The following DPF3 variants were observed in gnomAD, a reference collection of about 807,000 sequenced individuals.
DPF3 encodes the protein zinc finger protein DPF3.
In DPF3, 18 loss-of-function variants were observed where a neutral mutation model predicts 56.8. The observed-to-expected ratio is 0.32, with a 90% confidence interval of 0.22 to 0.47. The LOEUF is 0.47. Among genes scored for constraint, DPF3 ranks in the 20% least tolerant of loss-of-function variants. The pLI is 1.00. For missense variants in DPF3, 403 were observed against 488.8 expected (o/e 0.82, Z 1.65); for synonymous variants, 188 against 180.2 (o/e 1.04, Z -0.35).
intron 1 of DPF3, chr14:72,892,001 A>G: frequency 1.2e-6 from 1 of 816,658 alleles, no homozygotes; most frequent in East Asian, 3.6e-5. Flanking sequence ...CACCCTACAC[A>G]GACTCCCTCC....
chr14:72,849,812 T>G (rs1006831933), intron 1 of DPF3, among the ~76,000 whole-genome samples: 1 of 152,162 alleles, frequency 6.6e-6, no homozygotes, highest in Non-Finnish European at 1.5e-5. Context: ...CTATGCTTTT[T>G]GAAAACTGAG....
intron 1 of DPF3, among the ~76,000 whole-genome samples, chr14:72,810,895 C>T (rs1441483345): frequency 6.6e-6 from 1 of 152,130 alleles, no homozygotes; most frequent in African/African-American, 2.4e-5. Context: ...GTGAGTTAGT[C>T]CATTTGTATT....
At chr14:72,793,640 G>A (rs182055721) in intron 1 of DPF3, among the ~76,000 whole-genome samples, 1 of 152,268 alleles carries the variant, frequency 6.6e-6, no homozygotes, top group African/African-American at 2.4e-5. Context: ...ATCACCAGCT[G>A]GGCCATGTAG....
intron 6 of DPF3, among the ~76,000 whole-genome samples, chr14:72,708,318 C>T (rs933364458): frequency 1.1e-4 from 17 of 152,338 alleles, no homozygotes; most frequent in African/African-American, 4.1e-4. Flanking sequence ...TTTAAACAGA[C>T]CCAGCTTTGC....
intron 7 of DPF3, among the ~76,000 whole-genome samples, chr14:72,691,731 A>G (rs1345930612): frequency 6.6e-6 from 1 of 151,922 alleles, no homozygotes; most frequent in Non-Finnish European, 1.5e-5. Flanking sequence ...GTCTCAGAAA[A>G]AAAAAAAAGA....
At chr14:72,680,901 A>G (rs1013831693) in intron 7 of DPF3, among the ~76,000 whole-genome samples, 2 of 152,222 alleles carry the variant, frequency 1.3e-5, no homozygotes, top group African/African-American at 2.4e-5. Context: ...TTTCAGGCCT[A>G]TTATTCAAGC....
chr14:72,734,405 A>T (rs1826757828), intron 3 of DPF3, among the ~76,000 whole-genome samples: 1 of 152,120 alleles, frequency 6.6e-6, no homozygotes, highest in Non-Finnish European at 1.5e-5. Context: ...TGCTCTGATG[A>T]CATATTACTC....
chr14:72,692,988 G>A, intron 7 of DPF3, 88 bp downstream of exon 7: 1 of 1,574,364 alleles, frequency 6.4e-7, no homozygotes, highest in Non-Finnish European at 8.6e-7. Flanking sequence ...ACCAGAAGAT[G>A]CCAGCAGTGA....
chr14:72,648,506 A>G (rs1167054388), intron 8 of DPF3, among the ~76,000 whole-genome samples: 2 of 149,576 alleles, frequency 1.3e-5, no homozygotes, highest in Non-Finnish European at 3.0e-5. Flanking sequence ...GGTTGCAGTG[A>G]GCTGAGATCA....
At chr14:72,691,950 G>A (rs549242778) in intron 7 of DPF3, among the ~76,000 whole-genome samples, 5 of 152,254 alleles carry the variant, frequency 3.3e-5, no homozygotes, top group Admixed American at 1.3e-4. Flanking sequence ...GTTTTCTTAT[G>A]AGAACCCTAG....
chr14:72,849,860 G>A (rs61986331), intron 1 of DPF3, among the ~76,000 whole-genome samples: 40,356 of 152,146 alleles, frequency 0.27, 5,466 homozygotes, highest in Non-Finnish European at 0.27. Context: ...GCTCATGCCT[G>A]TAATCTCAGC....
chr14:72,777,842 C>T (rs1891807897), intron 1 of DPF3, among the ~76,000 whole-genome samples: 1 of 152,114 alleles, frequency 6.6e-6, no homozygotes, highest in South Asian at 2.1e-4. Flanking sequence ...CAAGCAGATG[C>T]CAGCACTGTG....
chr14:72,871,652 G>C (rs1176595325), intron 1 of DPF3, among the ~76,000 whole-genome samples: 1 of 152,218 alleles, frequency 6.6e-6, no homozygotes, highest in Non-Finnish European at 1.5e-5. Context: ...ATGGTAATGA[G>C]GCTGGGCACA....
At chr14:72,760,416 T>C (rs1891022914) in intron 2 of DPF3, among the ~76,000 whole-genome samples, 1 of 152,174 alleles carries the variant, frequency 6.6e-6, no homozygotes, top group Non-Finnish European at 1.5e-5. Context: ...ACCCTTGTGA[T>C]TACATTAGGC....
chr14:72,776,885 G>A (rs1319874646), intron 1 of DPF3, among the ~76,000 whole-genome samples: 3 of 151,946 alleles, frequency 2.0e-5, no homozygotes, highest in South Asian at 2.1e-4. Flanking sequence ...GGTGGGGGCC[G>A]AGGCTATGCT....
Position 72,876,979 on chromosome 14 carries a change from G to C in DPF3, c.32+17078C>G, listed in dbSNP as rs148923554. Among the ~76,000 whole-genome samples, 430 of 152,280 alleles carry C rather than the reference G, an allele frequency of 2.8e-3. 2 individuals are homozygous for C. The highest frequency in any genetic ancestry group is 5.1e-3 in the Non-Finnish European group (347 of 68,030). On this transcript the variant is annotated intron_variant, in intron 1 of 10. Transcript: ENST00000556509. ...CATGAGATTGAGTGGGCCCTCCTTG[G>C]GGACAAAGCCAGAATACTCTTTCCT...
rs141827585 is a variant in DPF3 at position 72,831,997 on chromosome 14, C to T, written c.33-60104G>A. Among the ~76,000 whole-genome samples, 16 of 152,232 alleles carry T rather than the reference C, an allele frequency of 1.1e-4. No individual in the cohort carries two copies. The East Asian group carries it at 2.9e-3, about 28-fold the overall frequency. ...CTTTGGGAAGCCAAGGTGGGAGGAT[C>T]GCTTGAGGTCAAGAATTTGAGACCA... On this transcript the variant is annotated intron_variant, in intron 1 of 10. Coordinates refer to ENST00000556509, the MANE Select transcript of DPF3 (RefSeq NM_001280542.3).
intron 1 of DPF3, among the ~76,000 whole-genome samples, chr14:72,774,584 C>T (rs1293458076): frequency 3.3e-5 from 5 of 152,104 alleles, no homozygotes; most frequent in African/African-American, 9.7e-5. Context: ...ACCCTGGAAG[C>T]TTCTGAGGCA....
At chr14:72,692,630 C>G (rs1186338841) in intron 7 of DPF3, among the ~76,000 whole-genome samples, 3 of 152,192 alleles carry the variant, frequency 2.0e-5, no homozygotes, top group Admixed American at 6.5e-5. Flanking sequence ...CCCTCTACAA[C>G]AAAACCACAG....
Sources: allele counts gnomAD v4.1 joint callset (sites outside exome capture counted in the v4.1 genomes callset), GRCh38; gene constraint gnomAD v4.1.1; transcripts MANE v1.5; gene names NCBI Gene and HGNC (gene_info 2026-07-23, HGNC 2026-07-21).